Variants in THOC5 observed in about 807,000 individuals in gnomAD.
THOC5 encodes the protein Fms-interacting protein.
Under a neutral mutation model 92.9 loss-of-function variants are expected in THOC5, and 43 were observed. That is an observed-to-expected ratio of 0.46 (90% CI 0.36 to 0.60). The LOEUF (loss-of-function observed/expected upper bound fraction) is 0.60. THOC5 is among the 20% of genes least tolerant of loss of function. The pLI is 0.00. For synonymous variants in THOC5, 296 were observed against 320.1 expected (o/e 0.92, Z 0.80); for missense variants, 659 against 849.4 (o/e 0.78, Z 2.79).
intron 2 of THOC5, among the ~76,000 whole-genome samples, chr22:29,545,308 G>C (rs1043513555): frequency 6.6e-6 from 1 of 152,146 alleles, no homozygotes; most frequent in Non-Finnish European, 1.5e-5. Context: ...TTCAAGTTGA[G>C]ATTTAAATCC....
chr22:29,526,328 C>G lies in THOC5; in HGVS notation c.1067-382G>C, dbSNP rs533190183. ...TGGGCAGATCATGAAGTCAGGAGAT[C>G]GAGACCATCCTGGCTAACACAGTGA... On this transcript the variant is annotated intron_variant, in intron 11 of 19. Transcript: ENST00000490103. Among the ~76,000 whole-genome samples, 101 of 152,126 alleles carry G rather than the reference C, an allele frequency of 6.6e-4. No homozygotes were observed. In the Middle Eastern group the frequency reaches 0.01, roughly 15 times the overall value.
chr22:29,552,876 C>T (rs1206404143), intron 1 of THOC5, among the ~76,000 whole-genome samples: 1 of 151,898 alleles, frequency 6.6e-6, no homozygotes, highest in Non-Finnish European at 1.5e-5. Flanking sequence ...AAGGGAGACT[C>T]CATTTTGTTC....
chr22:29,508,660 C>T (rs1372374173), intron 19 of THOC5, 140 bp from the exon 20 acceptor site: 2 of 762,322 alleles, frequency 2.6e-6, no homozygotes, highest in African/African-American at 1.7e-5. Context: ...TACGGCAGAA[C>T]AACATATAAG....
intron 6 of THOC5, among the ~76,000 whole-genome samples, chr22:29,538,137 C>A (rs2063798258): frequency 6.6e-6 from 1 of 151,992 alleles, no homozygotes; most frequent in Non-Finnish European, 1.5e-5. Context: ...CACCCGCCAC[C>A]ATGCCCGGCT....
chr22:29,526,367 C>T (rs2146489630), intron 11 of THOC5, among the ~76,000 whole-genome samples: 1 of 152,042 alleles, frequency 6.6e-6, no homozygotes, highest in African/African-American at 2.4e-5. Context: ...CCCGTCTCTA[C>T]TAAAAATACA....
At chr22:29,518,947 T>G in intron 15 of THOC5, 59 bp downstream of exon 15, 1 of 1,073,222 alleles carries the variant, frequency 9.3e-7, no homozygotes, top group East Asian at 2.6e-5. Context: ...AAGGCTAAGT[T>G]GTTGTTGTCC....
At chr22:29,532,000 T>A in intron 7 of THOC5, 37 bp from the exon 8 acceptor site, 1 of 1,609,262 alleles carries the variant, frequency 6.2e-7, no homozygotes, top group Non-Finnish European at 8.5e-7. Context: ...CTTCCTTTTT[T>A]AGCCAGTCCA....
chr22:29,517,107 A>G lies in THOC5; in HGVS notation c.1603T>C (p.Phe535Leu), dbSNP rs757853867. ...CCCGCATCCACAATGTCTTTGGTGA[A>G]GTGCAGCTCCTAGAAGAGGTACCAC... ...VAHEDYMELH[F>L]TKDIVDAGLA... is the part of the protein sequence containing the mutation. The change falls in exon 17 of 20, where the codon TTC (phenylalanine) becomes CTC (leucine). Residue 535 changes from phenylalanine to leucine, a missense_variant. By Grantham distance (22) the Phe-to-Leu change is conservative. Coordinates refer to ENST00000490103, the MANE Select transcript of THOC5 (RefSeq NM_003678.5). The G allele has an allele frequency of 1.2e-6, 2 of 1,614,180 alleles. No homozygotes were observed. The highest frequency in any genetic ancestry group is 2.2e-5 in the East Asian group (1 of 44,874).
intron 14 of THOC5, 132 bp from the exon 15 acceptor site, chr22:29,519,252 TG>T: frequency 1.8e-6 from 1 of 550,918 alleles, no homozygotes; most frequent in South Asian, 2.7e-5. Flanking sequence ...CCTTTAGACA[TG>T]GCAAGGTTTA....
At chr22:29,545,144 G>A in intron 2 of THOC5, 3 of 408,556 alleles carry the variant, frequency 7.3e-6, no homozygotes, top group Non-Finnish European at 1.4e-5. Flanking sequence ...AGAAAAATGA[G>A]GAGGAAGCAA....
intron 11 of THOC5, 109 bp downstream of exon 11, chr22:29,527,969 G>T (rs2063575739): frequency 1.1e-6 from 1 of 947,614 alleles, no homozygotes; most frequent in South Asian, 1.5e-5. Flanking sequence ...TATGAAATGG[G>T]AATCCTTTGT....
At chr22:29,548,376 C>T (rs1053704282) in intron 2 of THOC5, among the ~76,000 whole-genome samples, 8 of 152,016 alleles carry the variant, frequency 5.3e-5, no homozygotes, top group Non-Finnish European at 1.2e-4. Flanking sequence ...GGTAACGTGG[C>T]AAAACCTCAT....
At chr22:29,525,276 A>G (rs2063520959) in intron 12 of THOC5, among the ~76,000 whole-genome samples, 1 of 152,126 alleles carries the variant, frequency 6.6e-6, no homozygotes. Flanking sequence ...ACTGTGTATC[A>G]ACAAAAATAG....
chr22:29,532,072 A>C (rs542131263), intron 7 of THOC5, 109 bp from the exon 8 acceptor site: 2 of 1,245,610 alleles, frequency 1.6e-6, no homozygotes, highest in South Asian at 3.1e-5. Context: ...ATACATGATA[A>C]ACTAATAGAA....
chr22:29,513,495 C>A (rs1216681733), intron 17 of THOC5, among the ~76,000 whole-genome samples: 4 of 151,956 alleles, frequency 2.6e-5, no homozygotes, highest in African/African-American at 9.7e-5. Flanking sequence ...CAGGACCAGC[C>A]CAGCCAACAT....
intron 2 of THOC5, among the ~76,000 whole-genome samples, chr22:29,548,825 A>G (rs2146569511): frequency 6.6e-6 from 1 of 152,300 alleles, no homozygotes; most frequent in Non-Finnish European, 1.5e-5. Context: ...CTGGGTAGGT[A>G]TAATCATGTC....
At chr22:29,535,248 G>A (rs930721769) in intron 7 of THOC5, 9 of 117,398 alleles carry the variant, frequency 7.7e-5, no homozygotes, top group African/African-American at 3.0e-4. Flanking sequence ...GTGCGACAGA[G>A]CAACTCTGTC....
intron 9 of THOC5, 179 bp downstream of exon 9, chr22:29,528,983 G>C (rs1358769603): frequency 3.3e-6 from 2 of 615,372 alleles, no homozygotes; most frequent in Non-Finnish European, 5.7e-6. Context: ...TGAAATCCAC[G>C]GGCCGCACCT....
At chr22:29,553,088 GAC>G (rs1478915530) in intron 1 of THOC5, among the ~76,000 whole-genome samples, 5 of 152,098 alleles carry the variant, frequency 3.3e-5, no homozygotes, top group Non-Finnish European at 7.4e-5. Flanking sequence ...AGTACCCAGG[GAC>G]ACAAACACTG....
Sources: gnomAD v4.1 joint callset for allele counts (sites outside exome capture counted in the v4.1 genomes callset) on GRCh38, gnomAD v4.1.1 for gene constraint, MANE v1.5 for transcripts, NCBI Gene and HGNC (gene_info 2026-07-23, HGNC 2026-07-21) for gene names.